The following ACVR1 variants were observed in gnomAD, a reference collection of about 807,000 sequenced individuals.
The protein encoded by ACVR1 is activin A receptor type 1.
In ACVR1, 38 loss-of-function variants were observed where a neutral mutation model predicts 57.1. The ratio of observed to expected loss-of-function variants is 0.67; its 90% CI spans 0.51 to 0.87. The LOEUF (loss-of-function observed/expected upper bound fraction) is 0.87. Ranked by LOEUF, ACVR1 falls within the 40% of genes least tolerant of loss-of-function variation. The probability of loss-of-function intolerance (pLI) is 0.00; values close to 1 mark genes in which losing one functional copy is unlikely to be tolerated. For missense variants in ACVR1, 463 were observed against 638.2 expected (o/e 0.73, Z 2.96); for synonymous variants, 212 against 228.1 (o/e 0.93, Z 0.63).
chr2:157,825,549 A>T (rs1688314435), intron 1 of ACVR1, among the ~76,000 whole-genome samples: 1 of 152,192 alleles, frequency 6.6e-6, no homozygotes, highest in Non-Finnish European at 1.5e-5. Context: ...TGGCAGCATT[A>T]GATTCTCAGT....
intron 1 of ACVR1, among the ~76,000 whole-genome samples, chr2:157,843,698 C>A (rs971893796): frequency 1.3e-5 from 2 of 152,106 alleles, no homozygotes; most frequent in Non-Finnish European, 2.9e-5. Context: ...TTAACATGTA[C>A]CTTCTAGGCC....
chr2:157,819,089 A>G (rs1401967120), intron 1 of ACVR1, among the ~76,000 whole-genome samples: 3 of 150,576 alleles, frequency 2.0e-5, no homozygotes, highest in African/African-American at 7.3e-5. Flanking sequence ...AAAAAAAAAA[A>G]AAAAAAAAAA....
At chr2:157,782,495 C>T (rs1403668528) in intron 3 of ACVR1, among the ~76,000 whole-genome samples, 1 of 152,186 alleles carries the variant, frequency 6.6e-6, no homozygotes, top group Non-Finnish European at 1.5e-5. Context: ...AAGGAAATTC[C>T]AGCACCAATC....
intron 1 of ACVR1, among the ~76,000 whole-genome samples, chr2:157,868,385 G>C (rs1574168913): frequency 6.6e-6 from 1 of 151,878 alleles, no homozygotes. Context: ...TACTCGGGAG[G>C]CTGAGGCAGG....
chr2:157,749,938 G>A (rs1685116841), intron 9 of ACVR1, among the ~76,000 whole-genome samples: 1 of 152,246 alleles, frequency 6.6e-6, no homozygotes, highest in Non-Finnish European at 1.5e-5. Flanking sequence ...CAGGGCCCAT[G>A]TGCATCATCT....
intron 2 of ACVR1, among the ~76,000 whole-genome samples, chr2:157,810,648 C>T (rs1396285692): frequency 6.6e-6 from 1 of 152,204 alleles, no homozygotes; most frequent in Non-Finnish European, 1.5e-5. Flanking sequence ...AGCCAAACTA[C>T]TCAGTTATCC....
At chr2:157,854,324 A>C (rs1689430619) in intron 1 of ACVR1, among the ~76,000 whole-genome samples, 2 of 152,182 alleles carry the variant, frequency 1.3e-5, no homozygotes, top group Non-Finnish European at 2.9e-5. Context: ...TTTGATACCC[A>C]GCAAAATGGA....
At chr2:157,866,259 T>C (rs562599292) in intron 1 of ACVR1, among the ~76,000 whole-genome samples, 1 of 152,218 alleles carries the variant, frequency 6.6e-6, no homozygotes, top group African/African-American at 2.4e-5. Flanking sequence ...TCCTGGAAGA[T>C]TTCCATGTAC....
intron 2 of ACVR1, among the ~76,000 whole-genome samples, chr2:157,812,279 A>G (rs1325188471): frequency 6.6e-6 from 1 of 152,214 alleles, no homozygotes; most frequent in Admixed American, 6.5e-5. Flanking sequence ...TGGAGGTCAA[A>G]TGGCCAGGTT....
intron 3 of ACVR1, 21 bp downstream of exon 3, chr2:157,799,406 A>G (rs1446582856): frequency 6.3e-7 from 1 of 1,591,940 alleles, no homozygotes; most frequent in South Asian, 1.1e-5. Flanking sequence ...ATCTTAACCC[A>G]AAAAGATGTG....
intron 1 of ACVR1, among the ~76,000 whole-genome samples, chr2:157,857,682 A>T (rs1689582810): frequency 6.6e-6 from 1 of 152,210 alleles, no homozygotes; most frequent in Non-Finnish European, 1.5e-5. Flanking sequence ...TACCACATAT[A>T]GACAAAGGCT....
intron 3 of ACVR1, among the ~76,000 whole-genome samples, chr2:157,794,294 G>A (rs1385334051): frequency 6.6e-6 from 1 of 152,148 alleles, no homozygotes; most frequent in Non-Finnish European, 1.5e-5. Flanking sequence ...TTCTCTATGA[G>A]AGCAAATAAA....
intron 1 of ACVR1, among the ~76,000 whole-genome samples, chr2:157,861,647 T>C (rs1365806781): frequency 6.6e-6 from 1 of 152,226 alleles, no homozygotes; most frequent in Admixed American, 6.5e-5. Context: ...TCTGTGTTCA[T>C]CCACTTTATG....
chr2:157,775,074 G>A (rs1332362621), intron 5 of ACVR1, among the ~76,000 whole-genome samples: 5 of 152,300 alleles, frequency 3.3e-5, no homozygotes, highest in African/African-American at 1.2e-4. Context: ...AGACTCCAAT[G>A]ACCATGTGGA....
At chr2:157,774,859 G>A (rs1303880497) in intron 5 of ACVR1, among the ~76,000 whole-genome samples, 1 of 151,776 alleles carries the variant, frequency 6.6e-6, no homozygotes, top group Non-Finnish European at 1.5e-5. Context: ...AAGGAAAGCA[G>A]TAGAGAGAAT....
intron 3 of ACVR1, among the ~76,000 whole-genome samples, chr2:157,788,522 T>G (rs1288480817): frequency 6.6e-6 from 1 of 152,170 alleles, no homozygotes; most frequent in African/African-American, 2.4e-5. Flanking sequence ...GAACCCTTCC[T>G]TTACTTAATA....
chr2:157,834,800 G>A (rs576410502), intron 1 of ACVR1, among the ~76,000 whole-genome samples: 1 of 152,280 alleles, frequency 6.6e-6, no homozygotes, highest in East Asian at 1.9e-4. Context: ...GCTTTCGGAG[G>A]TGATTAAATC....
intron 1 of ACVR1, among the ~76,000 whole-genome samples, chr2:157,871,380 AG>A (rs1202682562): frequency 2.0e-5 from 3 of 152,212 alleles, no homozygotes; most frequent in African/African-American, 7.2e-5. Context: ...CAGAACAGCC[AG>A]GGTTTGGCCT....
At chr2:157,862,164 A>C (rs1381371179) in intron 1 of ACVR1, among the ~76,000 whole-genome samples, 2 of 152,148 alleles carry the variant, frequency 1.3e-5, no homozygotes, top group Non-Finnish European at 1.5e-5. Context: ...TTTCCTACCA[A>C]TCTTTTTTTT....
Sources: gnomAD v4.1 joint callset for allele counts (sites outside exome capture counted in the v4.1 genomes callset) on GRCh38, gnomAD v4.1.1 for gene constraint, MANE v1.5 for transcripts, NCBI Gene and HGNC (gene_info 2026-07-23, HGNC 2026-07-21) for gene names.